KCNIP3: variants seen among roughly 807,000 people sequenced by gnomAD.
KCNIP3 encodes the protein potassium voltage-gated channel interacting protein 3.
KCNIP3 carries 28 observed loss-of-function variants against 35.0 expected under a neutral mutation model. The observed-to-expected ratio is 0.80, with a 90% CI of 0.59 to 1.10. KCNIP3 has a LOEUF of 1.10. KCNIP3 is among the 50% of genes least tolerant of loss of function. The pLI is 0.00. For missense variants in KCNIP3, 295 were observed against 338.4 expected (o/e 0.87, Z 1.01); for synonymous variants, 134 against 133.8 (o/e 1.00, Z -0.01).
At position 95,384,177 on chromosome 2, in the gene KCNIP3, C is replaced by T; in HGVS notation, c.*128C>T. 3.1e-6 allele frequency: 2 copies of T among 639,192 alleles called. No homozygotes were observed. The highest frequency in any genetic ancestry group is 5.7e-6 in the Non-Finnish European group (2 of 353,422). The allele number at this position is 639,192 out of a possible 1,614,324, so 39.6% of individuals were successfully genotyped here. ...AAAAGTGAACAGATTGCTACACACACACACACACACACACACACACACACA... is the reference window on the plus strand; with the variant it reads ...AAAAGTGAACAGATTGCTACACACATACACACACACACACACACACACACA... On this transcript the variant is annotated 3_prime_UTR_variant, in exon 9 of 9. Coordinates refer to ENST00000295225, the MANE Select transcript of KCNIP3 (RefSeq NM_013434.5).
In KCNIP3 at chr2:95,376,823, C is replaced by T. The variant is rs936169625; in HGVS notation, c.447+1615C>T. On this transcript the variant is annotated intron_variant, in intron 5 of 8. Coordinates refer to ENST00000295225, the MANE Select transcript of KCNIP3 (RefSeq NM_013434.5). This position sits in a 1 kb window ranked among gnomAD's most constrained non-coding sequence, Gnocchi z 4.2. ...ACACCGGGCCATCCTCACTGCCAGC[C>T]CTCAGAGCCTCCTACGTGCGTCTGT... 2.0e-5 allele frequency among the ~76,000 whole-genome samples: 3 copies of T among 152,210 alleles called. No homozygotes were observed. The highest frequency in any genetic ancestry group is 7.2e-5 in the African/African-American group (3 of 41,462).
At chr2:95,366,332 C>G (rs1038225586) in intron 2 of KCNIP3, among the ~76,000 whole-genome samples, 10 of 152,144 alleles carry the variant, frequency 6.6e-5, no homozygotes, top group Non-Finnish European at 1.3e-4. Flanking sequence ...TCTTTCACGT[C>G]ATTGCATGTG....
intron 7 of KCNIP3, 45 bp from the exon 8 acceptor site, chr2:95,383,185 GTC>G: frequency 1.9e-6 from 3 of 1,582,706 alleles, no homozygotes; most frequent in Non-Finnish European, 2.6e-6. Context: ...GGGCGGGGCT[GTC>G]TCTGCTGGGG....
chr2:95,349,092 C>G (rs542059392), intron 2 of KCNIP3, among the ~76,000 whole-genome samples: 1 of 152,112 alleles, frequency 6.6e-6, no homozygotes. Flanking sequence ...CAGACACCCC[C>G]CCCCGCCCCC....
chr2:95,307,706 C>T (rs1038245486), intron 1 of KCNIP3, among the ~76,000 whole-genome samples: 1 of 152,188 alleles, frequency 6.6e-6, no homozygotes, highest in African/African-American at 2.4e-5. Flanking sequence ...ACCCTGGGCC[C>T]CGAGAAGCAG....
At chr2:95,310,688 G>A (rs1369396905) in intron 2 of KCNIP3, 168 bp downstream of exon 2, 2 of 725,152 alleles carry the variant, frequency 2.8e-6, no homozygotes, top group Non-Finnish European at 2.4e-6. Flanking sequence ...CCCATTCATT[G>A]AGTGCCTGCT....
At chr2:95,326,061 ACATT>A (rs1344346542) in intron 2 of KCNIP3, among the ~76,000 whole-genome samples, 4 of 150,940 alleles carry the variant, frequency 2.7e-5, no homozygotes, top group African/African-American at 4.9e-5. Flanking sequence ...ACACACATAC[ACATT>A]CACTCATACT....
chr2:95,347,198 C>A, intron 2 of KCNIP3: 1 of 1,291,118 alleles, frequency 7.7e-7, no homozygotes, highest in Non-Finnish European at 1.1e-6. Context: ...AGTACCCGCA[C>A]GCCGGGGTGC....
At chr2:95,337,899 G>T (rs1482126468) in intron 2 of KCNIP3, among the ~76,000 whole-genome samples, 1 of 152,212 alleles carries the variant, frequency 6.6e-6, no homozygotes, top group Non-Finnish European at 1.5e-5. Flanking sequence ...TAGGCTGGGG[G>T]TGCTGATGAG....
chr2:95,354,100 C>T (rs1679594679), intron 2 of KCNIP3, among the ~76,000 whole-genome samples: 1 of 152,202 alleles, frequency 6.6e-6, no homozygotes, highest in Non-Finnish European at 1.5e-5. Context: ...GTGGTTTCCT[C>T]ACCTGTAAGT....
chr2:95,364,899 A>G (rs756755618), intron 2 of KCNIP3, among the ~76,000 whole-genome samples: 5 of 152,122 alleles, frequency 3.3e-5, no homozygotes, highest in Non-Finnish European at 7.3e-5. Context: ...AGCCTGGGCA[A>G]CATGACAAAA....
chr2:95,353,925 A>G (rs1178962153), intron 2 of KCNIP3, among the ~76,000 whole-genome samples: 2 of 152,222 alleles, frequency 1.3e-5, no homozygotes, highest in Non-Finnish European at 2.9e-5. Context: ...TGGGGGTTAC[A>G]GGCCAGGGGT....
intron 1 of KCNIP3, among the ~76,000 whole-genome samples, chr2:95,305,907 G>A (rs1040719739): frequency 1.3e-5 from 2 of 152,208 alleles, no homozygotes; most frequent in African/African-American, 4.8e-5. Flanking sequence ...AAGGGCATTG[G>A]GTTGCTTCCA....
chr2:95,375,979 C>G (rs1308764239), intron 5 of KCNIP3, among the ~76,000 whole-genome samples: 1 of 152,228 alleles, frequency 6.6e-6, no homozygotes, highest in Non-Finnish European at 1.5e-5. Context: ...CAGAAGGCCC[C>G]GGCCACACGG....
intron 2 of KCNIP3, among the ~76,000 whole-genome samples, chr2:95,355,580 G>A (rs552352351): frequency 9.9e-5 from 15 of 152,266 alleles, no homozygotes; most frequent in South Asian, 6.2e-4. Flanking sequence ...CCACCTGTGA[G>A]TGAGAACATG....
At chr2:95,316,055 C>G (rs1327029519) in intron 2 of KCNIP3, among the ~76,000 whole-genome samples, 1 of 152,252 alleles carries the variant, frequency 6.6e-6, no homozygotes, top group African/African-American at 2.4e-5. Context: ...CCCACAGCAG[C>G]CCAGCAGTGG....
chr2:95,367,806 G>T (rs1455671754), intron 2 of KCNIP3, among the ~76,000 whole-genome samples: 6 of 142,920 alleles, frequency 4.2e-5, no homozygotes, highest in Non-Finnish European at 9.0e-5. Flanking sequence ...TTGTTTCCCA[G>T]GCTGGAGTGC....
intron 2 of KCNIP3, among the ~76,000 whole-genome samples, chr2:95,324,272 G>GT (rs1232688737): frequency 5.3e-5 from 8 of 152,208 alleles, no homozygotes; most frequent in South Asian, 2.1e-4. Context: ...AGCACTTTGG[G>GT]AGGCCGAGGC....
chr2:95,297,493 T>C (rs555793875), intron 1 of KCNIP3, 40 bp downstream of exon 1: 4 of 155,492 alleles, frequency 2.6e-5, no homozygotes, highest in Non-Finnish European at 4.5e-5. Flanking sequence ...TGGAGGGGGG[T>C]CGGGGGGAGG....
Sources: gnomAD v4.1 joint callset for allele counts (sites outside exome capture counted in the v4.1 genomes callset) on GRCh38, gnomAD v4.1.1 for gene constraint, Gnocchi (gnomAD v3.1) non-coding constraint, MANE v1.5 for transcripts, NCBI Gene and HGNC (gene_info 2026-07-23, HGNC 2026-07-21) for gene names.